Variants in DPYSL2 observed in about 807,000 individuals in gnomAD.
The protein encoded by DPYSL2 is dihydropyrimidinase like 2.
A neutral mutation model predicts 69.9 loss-of-function variants in DPYSL2; 13 were observed. The ratio of observed to expected loss-of-function variants is 0.19; its 90% CI spans 0.12 to 0.30. The LOEUF (loss-of-function observed/expected upper bound fraction) is 0.30, where lower values mean the gene tolerates loss of function less well. Ranked by LOEUF, DPYSL2 falls within the 10% of genes least tolerant of loss-of-function variation. The pLI, the probability that DPYSL2 is intolerant of heterozygous loss-of-function variation, is 1.00. For synonymous variants in DPYSL2, 326 were observed against 359.1 expected (o/e 0.91, Z 1.04); for missense variants, 587 against 918.9 (o/e 0.64, Z 4.67).
chr8:26,561,278 T>G (rs1801065740), intron 1 of DPYSL2, among the ~76,000 whole-genome samples: 1 of 152,164 alleles, frequency 6.6e-6, no homozygotes, highest in African/African-American at 2.4e-5. Flanking sequence ...CTGAGTCTTC[T>G]TTGCAGACCA....
chr8:26,541,662 C>T (rs1023580594), intron 1 of DPYSL2, among the ~76,000 whole-genome samples: 9 of 152,224 alleles, frequency 5.9e-5, no homozygotes, highest in South Asian at 4.1e-4. Flanking sequence ...CATTCTTTGT[C>T]TACAAGAATA....
chr8:26,642,635 G>T lies in DPYSL2; in HGVS notation c.1127-804G>T, dbSNP rs1243344802. ...GAACGATTGTATTGAAGGCACTAAGGTATTGGCATTCAGCGAATGTACATG... is the reference window on the plus strand; with the variant it reads ...GAACGATTGTATTGAAGGCACTAAGTTATTGGCATTCAGCGAATGTACATG... On this transcript the variant is annotated intron_variant, in intron 8 of 13. Transcript: ENST00000521913. This position sits in a 1 kb window ranked among gnomAD's most constrained non-coding sequence, Gnocchi z 5.3. 6.6e-6 allele frequency among the ~76,000 whole-genome samples: 1 copy of T among 152,148 alleles called. No homozygotes were observed. The highest frequency in any genetic ancestry group is 2.4e-5 in the African/African-American group (1 of 41,430).
chr8:26,623,191 C>T (rs1019842784), intron 3 of DPYSL2, among the ~76,000 whole-genome samples: 4 of 152,226 alleles, frequency 2.6e-5, no homozygotes, highest in Admixed American at 2.0e-4. Flanking sequence ...AGCTGAAAAA[C>T]GGTCTGTGTA....
Position 26,605,992 on chromosome 8 carries a change from A to C in DPYSL2, c.629-18151A>C, listed in dbSNP as rs1470596346. 6.6e-6 allele frequency among the ~76,000 whole-genome samples: 1 copy of C among 152,182 alleles called. No individual in the cohort carries two copies. The highest frequency in any genetic ancestry group is 1.5e-5 in the Non-Finnish European group (1 of 68,008). On this transcript the variant is annotated intron_variant, in intron 3 of 13. Transcript: ENST00000521913. This position sits in a 1 kb window ranked among gnomAD's most constrained non-coding sequence, Gnocchi z 4.1. ...TTAAACAGGTGATAAGAACCAAAAA[A>C]TATTCAAAAAGGTCATAATGAATAA... is the stretch of plus-strand genomic sequence containing the variant.
chr8:26,589,130 C>T (rs574142003), intron 3 of DPYSL2, among the ~76,000 whole-genome samples: 11 of 152,340 alleles, frequency 7.2e-5, no homozygotes, highest in African/African-American at 1.2e-4. Flanking sequence ...CTCCACGACG[C>T]GGCCTATTCC....
Position 26,584,090 on chromosome 8 carries a change from G to T in DPYSL2, c.628+107G>T. On this transcript the variant is annotated intron_variant, in intron 3 of 13. Coordinates refer to ENST00000521913, the MANE Select transcript of DPYSL2 (RefSeq NM_001197293.3). ...CTAAAACTTGCTGTCCTGAGCCACA[G>T]TTCAATCTACCAAATAAGGGGGTGA... The T allele has an allele frequency of 2.7e-6, 3 of 1,110,088 alleles. No individual in the cohort carries two copies. In the East Asian group the frequency reaches 7.3e-5, roughly 27 times the overall value. The allele number at this position is 1,110,088 out of a possible 1,614,324, so 68.8% of individuals were successfully genotyped here.
chr8:26,547,006 A>C (rs1231762556), intron 1 of DPYSL2, among the ~76,000 whole-genome samples: 1 of 149,920 alleles, frequency 6.7e-6, no homozygotes, highest in Non-Finnish European at 1.5e-5. Flanking sequence ...CAGTCAGATG[A>C]TTGAGGTCAC....
At position 26,585,434 on chromosome 8, in the gene DPYSL2, C is replaced by T. The variant is rs1169288819; in HGVS notation, c.628+1451C>T. 1.3e-5 allele frequency among the ~76,000 whole-genome samples: 2 copies of T among 152,174 alleles called. No individual in the cohort carries two copies. Among genetic ancestry groups the T allele is most frequent in the Non-Finnish European group, 2.9e-5 (2 of 68,034 alleles). ...CCCTCAGGGTCTGAAGCATCAGGAA[C>T]AGCTCTCTCCTGTTTCAGCTTTCTT... On this transcript the variant is annotated intron_variant, in intron 3 of 13. Coordinates refer to ENST00000521913, the MANE Select transcript of DPYSL2 (RefSeq NM_001197293.3). This position sits in a 1 kb window ranked among gnomAD's most constrained non-coding sequence, Gnocchi z 4.0.
rs1802460684 is a variant in DPYSL2 at position 26,620,673 on chromosome 8, A to G, written c.629-3470A>G. On this transcript the variant is annotated intron_variant, in intron 3 of 13. Transcript: ENST00000521913. The surrounding 1 kb of genome is among the most constrained non-coding windows in gnomAD (Gnocchi z 4.5). ...TAATAATAATGATAAAGTATTTTTT[A>G]AAGTCATCATGAATCAATAGAAGGA... Among the ~76,000 whole-genome samples the G allele has an allele frequency of 6.6e-6, 1 of 152,198 alleles. No individual in the cohort carries two copies. The highest frequency in any genetic ancestry group is 2.4e-5 in the African/African-American group (1 of 41,444).
chr8:26,603,817 C>T (rs1354826264), intron 3 of DPYSL2, among the ~76,000 whole-genome samples: 1 of 152,108 alleles, frequency 6.6e-6, no homozygotes, highest in Non-Finnish European at 1.5e-5. Context: ...GTCAGAATTT[C>T]CTTTTTTTTA....
chr8:26,531,987 C>T (rs779556477), intron 1 of DPYSL2, among the ~76,000 whole-genome samples: 1 of 151,760 alleles, frequency 6.6e-6, no homozygotes, highest in East Asian at 1.9e-4. Context: ...GGGATATGGG[C>T]ACAGGGAGGG....
chr8:26,544,357 C>A (rs1014652266), intron 1 of DPYSL2, among the ~76,000 whole-genome samples: 2 of 152,170 alleles, frequency 1.3e-5, no homozygotes, highest in African/African-American at 4.8e-5. Context: ...GTGTACTGCT[C>A]AGAGAAGTGG....
At chr8:26,520,444 T>C (rs1020819441) in intron 1 of DPYSL2, among the ~76,000 whole-genome samples, 22 of 150,706 alleles carry the variant, frequency 1.5e-4, no homozygotes, top group Non-Finnish European at 3.2e-4. Context: ...CTCCAAATAA[T>C]GTATTCTTGC....
intron 1 of DPYSL2, among the ~76,000 whole-genome samples, chr8:26,532,438 A>G (rs1800524074): frequency 6.6e-6 from 1 of 152,152 alleles, no homozygotes; most frequent in South Asian, 2.1e-4. Flanking sequence ...GGCTTTTAGG[A>G]TATTCACAAG....
In DPYSL2 at chr8:26,514,502, G is replaced by C; in HGVS notation, c.177G>C (p.Arg59=). The C allele has an allele frequency of 1.3e-6, 2 of 1,529,748 alleles. No homozygotes were observed. The highest frequency in any genetic ancestry group is 1.7e-6 in the Non-Finnish European group (2 of 1,144,750). 94.8% of individuals were successfully genotyped at this position (1,529,748 alleles called of 1,614,324 possible). ...ACTTCGACTCGCTGTCGGTGGGCCG[G>C]GGCTCGGGGCAGGTGGTGGCTCAGC... ...TIDFDSLSVG[R]GSGQVVAQQR... The change falls in exon 1 of 14, where the codon CGG becomes CGC. Residue 59 remains arginine (R), a synonymous_variant. Transcript: ENST00000521913. This position sits in a 1 kb window ranked among gnomAD's most constrained non-coding sequence, Gnocchi z 8.4.
Position 26,516,976 on chromosome 8 carries a change from G to A in DPYSL2, c.354+2297G>A, listed in dbSNP as rs1808299961. Among the ~76,000 whole-genome samples, 1 of 152,222 alleles carries A rather than the reference G, an allele frequency of 6.6e-6. No individual in the cohort carries two copies. Among genetic ancestry groups the A allele is most frequent in the African/African-American group, 2.4e-5 (1 of 41,458 alleles). ...TCAACTGGCCCACCATTTTGACTGA[G>A]TTGACTTGTCATTAGTTGGTTTTCA... is the stretch of plus-strand genomic sequence containing the variant. On this transcript the variant is annotated intron_variant, in intron 1 of 13. Transcript: ENST00000521913. The surrounding 1 kb of genome is among the most constrained non-coding windows in gnomAD (Gnocchi z 4.8).
chr8:26,627,238 C>T lies in DPYSL2; in HGVS notation c.879C>T (p.Ile293=). 6.2e-7 allele frequency: 1 copy of T among 1,614,156 alleles called. No individual in the cohort carries two copies. The highest frequency in any genetic ancestry group is 8.5e-7 in the Non-Finnish European group (1 of 1,180,028). The change falls in exon 6 of 14, where the codon ATC becomes ATT. Residue 293 remains isoleucine, a synonymous_variant. Coordinates refer to ENST00000521913, the MANE Select transcript of DPYSL2 (RefSeq NM_001197293.3). The surrounding 1 kb of genome is among the most constrained non-coding windows in gnomAD (Gnocchi z 6.9). ...DCQIYEVLSV[I]RDIGAIAQVH... ...AGATTTATGAAGTACTGAGTGTGATCCGGGATATTGGCGCCATAGCCCAAG... is the reference window on the plus strand; with the variant it reads ...AGATTTATGAAGTACTGAGTGTGATTCGGGATATTGGCGCCATAGCCCAAG...
chr8:26,524,835 A>AAAAAAGAGAG (rs1563374151), intron 1 of DPYSL2, among the ~76,000 whole-genome samples: 3 of 74,224 alleles, frequency 4.0e-5, no homozygotes, highest in Admixed American at 2.0e-4. Flanking sequence ...AAAAAAAAAA[A>AAAAAAGAGAG]AGAGAGAGAA....
intron 3 of DPYSL2, among the ~76,000 whole-genome samples, chr8:26,594,330 T>C (rs925192307): frequency 6.6e-6 from 1 of 152,158 alleles, no homozygotes; most frequent in African/African-American, 2.4e-5. Context: ...CATCTTTATC[T>C]TTTTATCATC....
Sources: allele counts gnomAD v4.1 joint callset (sites outside exome capture counted in the v4.1 genomes callset), GRCh38; gene constraint gnomAD v4.1.1; non-coding constraint Gnocchi (gnomAD v3.1); transcripts MANE v1.5; gene names NCBI Gene and HGNC (gene_info 2026-07-23, HGNC 2026-07-21).